ZFHX3: variants seen among roughly 807,000 people sequenced by gnomAD.
ZFHX3 encodes the protein zinc finger homeobox protein 3.
Under a neutral mutation model 279.1 loss-of-function variants are expected in ZFHX3, and 42 were observed. The observed-to-expected ratio is 0.15, with a 90% CI of 0.12 to 0.19. The LOEUF is 0.19. Among genes scored for constraint, ZFHX3 ranks in the 10% least tolerant of loss-of-function variants. The pLI, the probability that ZFHX3 is intolerant of heterozygous loss-of-function variation, is 1.00. For missense variants in ZFHX3, 4,981 were observed against 4,754.0 expected (o/e 1.05, Z -1.40); for synonymous variants, 2,293 against 1,957.8 (o/e 1.17, Z -4.52).
At chr16:73,576,585 C>T (rs776964073) in intron 2 of ZFHX3, among the ~76,000 whole-genome samples, 8 of 152,086 alleles carry the variant, frequency 5.3e-5, no homozygotes, top group Non-Finnish European at 8.8e-5. Context: ...TAAAGGTAAA[C>T]GGATGGGGAC....
At chr16:73,148,405 T>C (rs1022981919) in intron 5 of ZFHX3, among the ~76,000 whole-genome samples, 1 of 152,170 alleles carries the variant, frequency 6.6e-6, no homozygotes, top group Non-Finnish European at 1.5e-5. Flanking sequence ...TTGGTAGAAA[T>C]TCTACAGCAA....
chr16:73,839,906 G>C (rs1000384827), intron 1 of ZFHX3, among the ~76,000 whole-genome samples: 3 of 152,138 alleles, frequency 2.0e-5, no homozygotes, highest in Non-Finnish European at 4.4e-5. Flanking sequence ...GGTTCTTCCT[G>C]CTGGTCTTGC....
chr16:73,132,899 T>C (rs887001478), intron 6 of ZFHX3, among the ~76,000 whole-genome samples: 3 of 152,244 alleles, frequency 2.0e-5, no homozygotes, highest in African/African-American at 7.2e-5. Context: ...TCAGCAAGTG[T>C]TCTTCTCCTG....
chr16:73,348,208 C>T (rs1312193667), intron 3 of ZFHX3, among the ~76,000 whole-genome samples: 1 of 152,156 alleles, frequency 6.6e-6, no homozygotes, highest in Non-Finnish European at 1.5e-5. Context: ...AGACATACTC[C>T]ATGTAATTAC....
At chr16:73,198,742 A>G (rs1258282650) in intron 5 of ZFHX3, among the ~76,000 whole-genome samples, 3 of 152,338 alleles carry the variant, frequency 2.0e-5, no homozygotes, top group Middle Eastern at 3.4e-3. Context: ...GGCTTCTGTC[A>G]TCATTGGGAA....
chr16:73,541,786 CTTTTTTTTTTT>C (rs546761843), intron 2 of ZFHX3, among the ~76,000 whole-genome samples: 12,006 of 87,924 alleles, frequency 0.14, 743 homozygotes, highest in Middle Eastern at 0.28. Flanking sequence ...TGGTGGTTCT[CTTTTTTTTTTT>C]TTTTTTTTTT....
At chr16:73,642,861 C>G (rs1036247696) in intron 2 of ZFHX3, among the ~76,000 whole-genome samples, 3 of 152,156 alleles carry the variant, frequency 2.0e-5, no homozygotes, top group Admixed American at 1.3e-4. Flanking sequence ...CAACGGCAGA[C>G]CCAAAATGAA....
At chr16:73,267,692 G>A (rs1028462186) in intron 4 of ZFHX3, among the ~76,000 whole-genome samples, 1 of 152,186 alleles carries the variant, frequency 6.6e-6, no homozygotes. Flanking sequence ...CTAGCCTGGG[G>A]TAGCCTTGAG....
intron 3 of ZFHX3, among the ~76,000 whole-genome samples, chr16:72,908,317 G>A (rs969601837): frequency 4.6e-5 from 7 of 152,172 alleles, no homozygotes; most frequent in African/African-American, 9.7e-5. Context: ...GTAAAAGGAG[G>A]AATAGGGCCA....
chr16:73,842,365 A>G (rs980288227), intron 1 of ZFHX3, among the ~76,000 whole-genome samples: 2 of 152,082 alleles, frequency 1.3e-5, no homozygotes, highest in Non-Finnish European at 2.9e-5. Flanking sequence ...CCCCAGGATC[A>G]TGGTGGGAAG....
chr16:72,964,246 T>C (rs1348860814), intron 1 of ZFHX3, among the ~76,000 whole-genome samples: 1 of 152,214 alleles, frequency 6.6e-6, no homozygotes, highest in Admixed American at 6.5e-5. Context: ...TGCATGGAGA[T>C]TTAAGTTTAT....
intron 5 of ZFHX3, among the ~76,000 whole-genome samples, chr16:73,149,176 T>C (rs1161208117): frequency 7.0e-6 from 1 of 143,154 alleles, no homozygotes; most frequent in Non-Finnish European, 1.5e-5. Context: ...TATTAATAAA[T>C]GCCAATATAT....
chr16:73,428,304 G>A (rs973926057), intron 3 of ZFHX3, among the ~76,000 whole-genome samples: 67 of 152,156 alleles, frequency 4.4e-4, no homozygotes, highest in African/African-American at 1.6e-3. Context: ...ACTCCCTTTG[G>A]TCAGGCTAAG....
chr16:73,695,994 A>C (rs922240089), intron 1 of ZFHX3, among the ~76,000 whole-genome samples: 1 of 152,222 alleles, frequency 6.6e-6, no homozygotes, highest in Non-Finnish European at 1.5e-5. Context: ...TGTCCTGACT[A>C]TAATTTGGGT....
intron 2 of ZFHX3, among the ~76,000 whole-genome samples, chr16:73,610,770 T>C (rs753205173): frequency 1.3e-5 from 2 of 152,206 alleles, no homozygotes; most frequent in Non-Finnish European, 2.9e-5. Context: ...GGAACAAATA[T>C]GTTTATTTTC....
At chr16:73,334,337 G>A (rs1567453339) in intron 3 of ZFHX3, among the ~76,000 whole-genome samples, 1 of 152,278 alleles carries the variant, frequency 6.6e-6, no homozygotes, top group East Asian at 1.9e-4. Flanking sequence ...CAGACTGCAG[G>A]GGGTTAAGGA....
intron 4 of ZFHX3, among the ~76,000 whole-genome samples, chr16:73,316,135 T>C (rs1051901594): frequency 1.3e-5 from 2 of 152,170 alleles, no homozygotes; most frequent in Non-Finnish European, 2.9e-5. Flanking sequence ...CGGAAGCTTC[T>C]AGTCTAACCC....
chr16:73,602,935 C>T (rs1481584137), intron 2 of ZFHX3, among the ~76,000 whole-genome samples: 3 of 126,298 alleles, frequency 2.4e-5, no homozygotes, highest in Non-Finnish European at 4.9e-5. Context: ...GAGACTCTGA[C>T]TCAAAAAAAA....
intron 1 of ZFHX3, among the ~76,000 whole-genome samples, chr16:73,863,665 G>A (rs781629292): frequency 4.6e-5 from 7 of 152,108 alleles, no homozygotes; most frequent in East Asian, 1.9e-4. Context: ...TATATCATAC[G>A]ATGGTCATGT....
Sources: gnomAD v4.1 joint callset for allele counts (sites outside exome capture counted in the v4.1 genomes callset) on GRCh38, gnomAD v4.1.1 for gene constraint, MANE v1.5 for transcripts, NCBI Gene and HGNC (gene_info 2026-07-23, HGNC 2026-07-21) for gene names.